The following ROR2 variants were observed in gnomAD, a reference collection of about 807,000 sequenced individuals.
The protein encoded by ROR2 is tyrosine-protein kinase transmembrane receptor ROR2.
In ROR2, 33 loss-of-function variants were observed where a neutral mutation model predicts 74.9. The observed-to-expected ratio is 0.44, with a 90% CI of 0.33 to 0.59. The LOEUF (loss-of-function observed/expected upper bound fraction) is 0.59. ROR2 is among the 20% of genes least tolerant of loss of function. ROR2 has a pLI of 0.02. For missense variants in ROR2, 1,216 were observed against 1,313.8 expected (o/e 0.93, Z 1.15); for synonymous variants, 586 against 558.7 (o/e 1.05, Z -0.69).
intron 7 of ROR2, among the ~76,000 whole-genome samples, chr9:91,730,523 C>T (rs1229835935): frequency 6.6e-6 from 1 of 152,180 alleles, no homozygotes; most frequent in African/African-American, 2.4e-5. Context: ...TGCAGTGTCA[C>T]AATCTTGGCT....
intron 1 of ROR2, among the ~76,000 whole-genome samples, chr9:91,802,827 G>T (rs1013004202): frequency 6.6e-6 from 1 of 152,108 alleles, no homozygotes; most frequent in African/African-American, 2.4e-5. Flanking sequence ...CAAGAGGAAG[G>T]CGAAAGGCAT....
At chr9:91,906,497 C>T (rs536156826) in intron 1 of ROR2, among the ~76,000 whole-genome samples, 5 of 152,268 alleles carry the variant, frequency 3.3e-5, no homozygotes, top group East Asian at 1.9e-4. Context: ...TCTTAGCTCC[C>T]GCCAAGGGTC....
chr9:91,806,812 A>C (rs1461226915), intron 1 of ROR2, among the ~76,000 whole-genome samples: 2 of 152,086 alleles, frequency 1.3e-5, no homozygotes, highest in East Asian at 1.9e-4. Context: ...GATGGTCTCG[A>C]TCTCCTGACC....
At chr9:91,730,875 T>G (rs749013032) in intron 7 of ROR2, 35 bp downstream of exon 7, 1 of 1,613,372 alleles carries the variant, frequency 6.2e-7, no homozygotes, top group South Asian at 1.1e-5. Context: ...CACTCAACAA[T>G]CAACACATTA....
At chr9:91,947,580 G>C (rs554324685) in intron 1 of ROR2, among the ~76,000 whole-genome samples, 206 of 152,172 alleles carry the variant, frequency 1.4e-3, no homozygotes, top group African/African-American at 4.7e-3. Context: ...TCACTCCAGG[G>C]ATCTGGGCCA....
chr9:91,765,690 C>G (rs549249352), intron 2 of ROR2, among the ~76,000 whole-genome samples: 2 of 152,304 alleles, frequency 1.3e-5, no homozygotes, highest in South Asian at 4.1e-4. Flanking sequence ...GTGCTCATCC[C>G]TCTTCTCCAG....
intron 2 of ROR2, among the ~76,000 whole-genome samples, chr9:91,767,222 G>A (rs1826088563): frequency 1.3e-5 from 2 of 152,028 alleles, no homozygotes; most frequent in Admixed American, 1.3e-4. Flanking sequence ...TTATAGGCAT[G>A]CACCACCACG....
At chr9:91,910,092 C>T (rs1830936820) in intron 1 of ROR2, among the ~76,000 whole-genome samples, 1 of 151,268 alleles carries the variant, frequency 6.6e-6, no homozygotes, top group African/African-American at 2.4e-5. Flanking sequence ...AAACTCCTGA[C>T]CTTGTGATCC....
chr9:91,927,090 G>C lies in ROR2; in HGVS notation c.97+22777C>G, dbSNP rs148215955. Among the ~76,000 whole-genome samples, 9 of 152,318 alleles carry C rather than the reference G, an allele frequency of 5.9e-5. No homozygotes were observed. In the East Asian group the frequency reaches 1.5e-3, roughly 26 times the overall value. ...AAGTGTTATATCATTAAATTTGGTA[G>C]AACGGTGCTCTTTTGCCCCATTTCA... On this transcript the variant is annotated intron_variant, in intron 1 of 8. Transcript: ENST00000375708.
chr9:91,848,935 T>C (rs552425704), intron 1 of ROR2, among the ~76,000 whole-genome samples: 1 of 152,256 alleles, frequency 6.6e-6, no homozygotes, highest in South Asian at 2.1e-4. Flanking sequence ...TACAATTCCT[T>C]AAAAGGTATT....
chr9:91,938,102 C>G (rs1831750516), intron 1 of ROR2, among the ~76,000 whole-genome samples: 1 of 152,166 alleles, frequency 6.6e-6, no homozygotes, highest in Admixed American at 6.5e-5. Context: ...TAAGACAACA[C>G]CTTTGACCAA....
intron 2 of ROR2, among the ~76,000 whole-genome samples, chr9:91,771,929 G>C (rs1442924602): frequency 6.6e-6 from 1 of 152,224 alleles, no homozygotes; most frequent in African/African-American, 2.4e-5. Context: ...CATCATGACT[G>C]ATGATTGGGT....
At chr9:91,899,123 C>T (rs1022613948) in intron 1 of ROR2, among the ~76,000 whole-genome samples, 9 of 152,218 alleles carry the variant, frequency 5.9e-5, no homozygotes, top group Non-Finnish European at 1.3e-4. Flanking sequence ...TCCGCTGACT[C>T]CGGCCTGACC....
chr9:91,822,430 T>C (rs1471956886), intron 1 of ROR2, among the ~76,000 whole-genome samples: 1 of 152,228 alleles, frequency 6.6e-6, no homozygotes, highest in Admixed American at 6.5e-5. Context: ...AGGCACCTGC[T>C]TCCAGGGCTC....
intron 2 of ROR2, 76 bp from the exon 3 acceptor site, chr9:91,757,635 T>A: frequency 6.5e-7 from 1 of 1,535,202 alleles, no homozygotes; most frequent in Non-Finnish European, 8.9e-7. Context: ...GGCTCTGCTA[T>A]GAACTCTTCC....
At chr9:91,804,359 T>C (rs976397178) in intron 1 of ROR2, among the ~76,000 whole-genome samples, 2 of 152,198 alleles carry the variant, frequency 1.3e-5, no homozygotes, top group Non-Finnish European at 1.5e-5. Context: ...ATTGTAGCAG[T>C]GCGTGTGCCA....
intron 1 of ROR2, among the ~76,000 whole-genome samples, chr9:91,918,128 C>T (rs1297597760): frequency 2.0e-5 from 3 of 152,058 alleles, no homozygotes; most frequent in Admixed American, 6.5e-5. Context: ...ATCAGCTGTG[C>T]GTGGTGGCAG....
At chr9:91,919,599 T>C (rs1222043758) in intron 1 of ROR2, among the ~76,000 whole-genome samples, 1 of 152,082 alleles carries the variant, frequency 6.6e-6, no homozygotes, top group South Asian at 2.1e-4. Context: ...GGTTTTTTTT[T>C]CTTTCTTACC....
chr9:91,875,373 G>A (rs1829927109), intron 1 of ROR2, among the ~76,000 whole-genome samples: 1 of 152,180 alleles, frequency 6.6e-6, no homozygotes, highest in Non-Finnish European at 1.5e-5. Flanking sequence ...TAGATGCTTT[G>A]AAAAGAATGT....
Sources: allele counts gnomAD v4.1 joint callset (sites outside exome capture counted in the v4.1 genomes callset), GRCh38; gene constraint gnomAD v4.1.1; transcripts MANE v1.5; gene names NCBI Gene and HGNC (gene_info 2026-07-23, HGNC 2026-07-21).